UBXN2A: variants seen among roughly 807,000 people sequenced by gnomAD.
The protein encoded by UBXN2A is UBX domain-containing protein 2A.
A neutral mutation model predicts 28.4 loss-of-function variants in UBXN2A; 28 were observed. The ratio of observed to expected loss-of-function variants is 0.99; its 90% CI spans 0.73 to 1.35. The LOEUF (loss-of-function observed/expected upper bound fraction) is 1.35. Ranked by LOEUF, UBXN2A falls within the 40% of genes most tolerant of loss-of-function variation. UBXN2A has a pLI of 0.00. For missense variants in UBXN2A, 253 were observed against 297.9 expected (o/e 0.85, Z 1.11); for synonymous variants, 97 against 103.6 (o/e 0.94, Z 0.39).
intron 1 of UBXN2A, chr2:23,943,878 G>T: frequency 2.5e-6 from 1 of 398,072 alleles, no homozygotes; most frequent in Non-Finnish European, 5.0e-6. Context: ...ATGTTGGAGT[G>T]GTCATTGCCT....
chr2:23,969,702 G>T (rs1317478855), intron 2 of UBXN2A, among the ~76,000 whole-genome samples: 1 of 152,142 alleles, frequency 6.6e-6, no homozygotes, highest in African/African-American at 2.4e-5. Flanking sequence ...GTGGCAATGT[G>T]TGCCTGTAGA....
intron 1 of UBXN2A, among the ~76,000 whole-genome samples, chr2:23,957,094 T>G (rs1172331907): frequency 6.6e-6 from 1 of 152,196 alleles, no homozygotes; most frequent in East Asian, 1.9e-4. Context: ...TATTTTTTGT[T>G]GTATTGTTTT....
At chr2:23,975,647 C>A (rs1479846371) in intron 3 of UBXN2A, among the ~76,000 whole-genome samples, 1 of 151,994 alleles carries the variant, frequency 6.6e-6, no homozygotes, top group Non-Finnish European at 1.5e-5. Flanking sequence ...TTTCTTTTTT[C>A]GTTTTTTTAA....
intron 1 of UBXN2A, among the ~76,000 whole-genome samples, chr2:23,931,166 G>A (rs1238886013): frequency 6.6e-6 from 1 of 151,926 alleles, no homozygotes; most frequent in Admixed American, 6.6e-5. Context: ...AAAAAAGGGG[G>A]GCTGGGCTCA....
chr2:23,964,642 A>G (rs1041041674), intron 2 of UBXN2A, among the ~76,000 whole-genome samples: 2 of 152,230 alleles, frequency 1.3e-5, no homozygotes, highest in African/African-American at 4.8e-5. Flanking sequence ...ATAAGGTTTC[A>G]GTTAAGCAAG....
At chr2:23,982,874 T>C in intron 4 of UBXN2A, 22 bp from the exon 5 acceptor site, 1 of 1,579,006 alleles carries the variant, frequency 6.3e-7, no homozygotes. Flanking sequence ...AGCTTTATCA[T>C]TTTCTTTCTT....
chr2:23,947,514 CTT>C (rs1706145353), intron 1 of UBXN2A, among the ~76,000 whole-genome samples: 1 of 152,066 alleles, frequency 6.6e-6, no homozygotes. Flanking sequence ...TAGTACATGA[CTT>C]AGGTTCATTC....
Position 23,983,022 on chromosome 2 carries a change from C to T in UBXN2A, c.414C>T (p.His138=). ...PVFQPFSGQG[H]RLGSATPKIV... ...TCCAGCCCTTTTCAGGACAGGGTCA[C>T]AGACTAGGAAGGTAAATATGCCTAT... Residue 138 remains histidine (H), a synonymous_variant, in exon 5 of 7, where the codon CAC becomes CAT. Transcript: ENST00000309033. 1 of 1,600,906 alleles carries T rather than the reference C, an allele frequency of 6.2e-7. No homozygotes were observed. Among genetic ancestry groups the T allele is most frequent in the Non-Finnish European group, 8.5e-7 (1 of 1,174,240 alleles).
Position 24,000,012 on chromosome 2 carries a change from G to T in UBXN2A, c.*145G>T. ...CTCTCTCCTGATGAGAAGATGTTTA[G>T]ATAAGTACAAGTTAAGAAAGTAGCA... On this transcript the variant is annotated 3_prime_UTR_variant, in exon 7 of 7. Transcript: ENST00000309033. 1.4e-6 allele frequency: 1 copy of T among 735,168 alleles called. No individual in the cohort carries two copies. Among genetic ancestry groups the T allele is most frequent in the Non-Finnish European group, 2.2e-6 (1 of 457,068 alleles). The allele number at this position is 735,168 out of a possible 1,614,324, so 45.5% of individuals were successfully genotyped here. A position where few individuals can be genotyped will look rare whatever the true frequency, so the allele number is the denominator to read the frequency against.
chr2:23,929,237 C>T (rs1251250831), intron 1 of UBXN2A, among the ~76,000 whole-genome samples: 1 of 151,906 alleles, frequency 6.6e-6, no homozygotes, highest in Non-Finnish European at 1.5e-5. Context: ...ATCCCCCTGC[C>T]CCAGCCTCCC....
intron 1 of UBXN2A, among the ~76,000 whole-genome samples, chr2:23,949,116 C>CTTTTTTT (rs1223944833): frequency 7.1e-5 from 9 of 127,058 alleles, no homozygotes; most frequent in African/African-American, 8.8e-5. Flanking sequence ...ATTTTTTTTT[C>CTTTTTTT]TTTTTTTTTT....
rs1558838896 is a variant in UBXN2A at position 23,948,720 on chromosome 2, G to C, written c.-15+8072G>C. Among the ~76,000 whole-genome samples, 3 of 152,204 alleles carry C rather than the reference G, an allele frequency of 2.0e-5. No homozygotes were observed. The East Asian group carries it at 5.8e-4, about 29-fold the overall frequency. Reference sequence around the variant, plus strand: ...AGAGAAGCTAAATAACATATACAAGGTCACCTAGCTCAAAAGTGATGTAGC... The same window carrying C: ...AGAGAAGCTAAATAACATATACAAGCTCACCTAGCTCAAAAGTGATGTAGC... On this transcript the variant is annotated intron_variant, in intron 1 of 6. Transcript: ENST00000309033.
At chr2:23,988,411 A>C (rs1708216306) in intron 6 of UBXN2A, among the ~76,000 whole-genome samples, 1 of 152,224 alleles carries the variant, frequency 6.6e-6, no homozygotes, top group Admixed American at 6.5e-5. Context: ...TCTCAGTTTG[A>C]AATAGTTCCT....
At chr2:23,957,852 TA>T (rs1430662946) in intron 1 of UBXN2A, among the ~76,000 whole-genome samples, 1 of 151,982 alleles carries the variant, frequency 6.6e-6, no homozygotes, top group Non-Finnish European at 1.5e-5. Flanking sequence ...AATAAATAAA[TA>T]AATAATAAAT....
chr2:23,935,816 G>A (rs927421530), upstream of UBXN2A, among the ~76,000 whole-genome samples: 6 of 152,256 alleles, frequency 3.9e-5, no homozygotes, highest in Admixed American at 6.5e-5. Context: ...TTGGGAAGCC[G>A]AGGTGGGTGG....
At chr2:23,983,464 G>A (rs1558303670) in intron 5 of UBXN2A, among the ~76,000 whole-genome samples, 1 of 151,962 alleles carries the variant, frequency 6.6e-6, no homozygotes, top group Non-Finnish European at 1.5e-5. Context: ...CCGAGATCGC[G>A]CCATTGCTCT....
rs1000431595 is a variant in UBXN2A at position 23,973,602 on chromosome 2, A to G, written c.180+2188A>G. On this transcript the variant is annotated intron_variant, in intron 3 of 6. Coordinates refer to ENST00000309033, the MANE Select transcript of UBXN2A (RefSeq NM_181713.4). ...ATCTGCCCGCCTCAGCCTCCCAAAG[A>G]GTACTTGGATTACAGGCGTGAGCCA... 2.7e-5 allele frequency among the ~76,000 whole-genome samples: 4 copies of G among 149,744 alleles called. No homozygotes were observed. In the East Asian group the frequency reaches 7.8e-4, roughly 29 times the overall value.
intron 1 of UBXN2A, among the ~76,000 whole-genome samples, chr2:23,943,440 C>A (rs1349277503): frequency 6.6e-6 from 1 of 151,954 alleles, no homozygotes; most frequent in Non-Finnish European, 1.5e-5. Flanking sequence ...TATATTCACA[C>A]CTATTGGAGG....
intron 6 of UBXN2A, among the ~76,000 whole-genome samples, chr2:23,988,016 A>C (rs1050321515): frequency 1.3e-5 from 2 of 149,060 alleles, no homozygotes; most frequent in Non-Finnish European, 3.0e-5. Context: ...TCAGCTACTC[A>C]GGAGGCTGAG....
Sources: gnomAD v4.1 joint callset for allele counts (sites outside exome capture counted in the v4.1 genomes callset) on GRCh38, gnomAD v4.1.1 for gene constraint, MANE v1.5 for transcripts, NCBI Gene and HGNC (gene_info 2026-07-23, HGNC 2026-07-21) for gene names.